GUCY1A2: variants seen among roughly 807,000 people sequenced by gnomAD.
The protein encoded by GUCY1A2 is guanylate cyclase soluble subunit alpha-2.
Under a neutral mutation model 63.5 loss-of-function variants are expected in GUCY1A2, and 27 were observed. That is an observed-to-expected ratio of 0.43 (90% CI 0.31 to 0.59). The LOEUF (loss-of-function observed/expected upper bound fraction) is 0.59. GUCY1A2 is among the 20% of genes least tolerant of loss of function. The probability of loss-of-function intolerance (pLI) is 0.11; values close to 1 mark genes in which losing one functional copy is unlikely to be tolerated. For synonymous variants in GUCY1A2, 364 were observed against 343.5 expected (o/e 1.06, Z -0.66); for missense variants, 768 against 913.3 (o/e 0.84, Z 2.05).
At chr11:106,797,618 C>T (rs1177487424) in intron 5 of GUCY1A2, among the ~76,000 whole-genome samples, 1 of 152,148 alleles carries the variant, frequency 6.6e-6, no homozygotes, top group Non-Finnish European at 1.5e-5. Flanking sequence ...GAAACTCACT[C>T]AAAACCACTC....
chr11:106,737,153 G>A (rs1863604734), intron 6 of GUCY1A2, among the ~76,000 whole-genome samples: 1 of 152,106 alleles, frequency 6.6e-6, no homozygotes, highest in Non-Finnish European at 1.5e-5. Context: ...TACAAAAAAA[G>A]AACAAAAATT....
At position 106,810,431 on chromosome 11, in the gene GUCY1A2, G is replaced by C; in HGVS notation, c.1254C>G (p.Ser418=). 6.2e-7 allele frequency: 1 copy of C among 1,609,904 alleles called. No individual in the cohort carries two copies. The highest frequency in any genetic ancestry group is 8.5e-7 in the Non-Finnish European group (1 of 1,177,898). ...CACATGGAGAGCCCAAAAATAAAAT[G>C]GAATTTGATTCTGGAACATGGATCA... ...GQMIHVPESN[S]ILFLGSPCVD... Residue 418 remains serine (S), a synonymous_variant, in exon 5 of 8, where the codon TCC becomes TCG. Transcript: ENST00000526355.
chr11:107,015,063 G>A (rs1180703326), intron 1 of GUCY1A2, among the ~76,000 whole-genome samples: 1 of 152,098 alleles, frequency 6.6e-6, no homozygotes, highest in African/African-American at 2.4e-5. Context: ...AATAAGGTAA[G>A]GACTGCCCAG....
intron 5 of GUCY1A2, among the ~76,000 whole-genome samples, chr11:106,780,862 AAC>A: frequency 6.6e-6 from 1 of 152,216 alleles, no homozygotes; most frequent in African/African-American, 2.4e-5. Context: ...GCAGAAACAC[AAC>A]AGTCTTAATG....
chr11:106,736,516 C>G (rs1436467692), intron 6 of GUCY1A2, among the ~76,000 whole-genome samples: 2 of 152,056 alleles, frequency 1.3e-5, no homozygotes, highest in Non-Finnish European at 2.9e-5. Flanking sequence ...CAGTACCATG[C>G]TGTTTTGGTT....
chr11:106,953,956 CA>C (rs1236371755), intron 3 of GUCY1A2, among the ~76,000 whole-genome samples: 1 of 151,954 alleles, frequency 6.6e-6, no homozygotes, highest in Non-Finnish European at 1.5e-5. Context: ...TTAATTTTTT[CA>C]AAAAATCAGC....
At chr11:107,012,454 G>A (rs996647118) in intron 1 of GUCY1A2, among the ~76,000 whole-genome samples, 2 of 152,066 alleles carry the variant, frequency 1.3e-5, no homozygotes, top group Admixed American at 6.6e-5. Context: ...GCTTTAAGAA[G>A]AATATTCCTC....
At chr11:107,004,280 C>T (rs77852087) in intron 1 of GUCY1A2, among the ~76,000 whole-genome samples, 3,019 of 152,166 alleles carry the variant, frequency 0.02, 101 homozygotes, top group African/African-American at 0.065. Flanking sequence ...ACCTTATTTC[C>T]GTCAGTAATT....
intron 6 of GUCY1A2, chr11:106,746,486 A>C: frequency 1.3e-6 from 1 of 791,474 alleles, no homozygotes; most frequent in Non-Finnish European, 2.1e-6. Flanking sequence ...CAAGGAAGTA[A>C]GTAATAACCA....
intron 4 of GUCY1A2, among the ~76,000 whole-genome samples, chr11:106,918,357 C>T (rs1860396046): frequency 6.9e-6 from 1 of 145,760 alleles, no homozygotes; most frequent in African/African-American, 2.4e-5. Context: ...TTTGCCTTCC[C>T]TTTAATTCTG....
At chr11:106,822,723 G>C (rs535736788) in intron 4 of GUCY1A2, among the ~76,000 whole-genome samples, 1 of 152,242 alleles carries the variant, frequency 6.6e-6, no homozygotes, top group Non-Finnish European at 1.5e-5. Flanking sequence ...AAAGTCTAGA[G>C]TTTAAGAAGA....
chr11:106,986,176 G>T, intron 1 of GUCY1A2, 45 bp from the exon 2 acceptor site: 1 of 944,354 alleles, frequency 1.1e-6, no homozygotes, highest in Non-Finnish European at 1.7e-6. Context: ...CAGCAAATCA[G>T]TACCATTCCC....
chr11:106,706,239 G>C (rs1862907672), intron 7 of GUCY1A2, among the ~76,000 whole-genome samples: 1 of 152,104 alleles, frequency 6.6e-6, no homozygotes, highest in East Asian at 1.9e-4. Flanking sequence ...ATGTAATTCA[G>C]GGATAAAATA....
chr11:107,017,476 T>C (rs1861839347), intron 1 of GUCY1A2, among the ~76,000 whole-genome samples: 1 of 151,990 alleles, frequency 6.6e-6, no homozygotes, highest in African/African-American at 2.4e-5. Context: ...AGTGGTGAAG[T>C]AGGGTTCAAG....
intron 4 of GUCY1A2, among the ~76,000 whole-genome samples, chr11:106,853,109 C>T (rs1859378164): frequency 6.6e-6 from 1 of 152,132 alleles, no homozygotes; most frequent in Admixed American, 6.6e-5. Flanking sequence ...AAAACATGCA[C>T]CAGAAAAGAT....
intron 7 of GUCY1A2, among the ~76,000 whole-genome samples, chr11:106,700,560 T>C (rs566919242): frequency 2.0e-5 from 3 of 152,280 alleles, no homozygotes; most frequent in South Asian, 4.1e-4. Context: ...ATTGGAAAAA[T>C]AGAAATGTAA....
At chr11:106,930,510 G>A (rs1364005080) in intron 4 of GUCY1A2, among the ~76,000 whole-genome samples, 1 of 152,110 alleles carries the variant, frequency 6.6e-6, no homozygotes, top group African/African-American at 2.4e-5. Flanking sequence ...CAAGGATGAT[G>A]CCCTATCAAA....
intron 7 of GUCY1A2, among the ~76,000 whole-genome samples, chr11:106,688,620 G>T (rs1055347209): frequency 1.3e-5 from 2 of 151,816 alleles, no homozygotes; most frequent in South Asian, 2.1e-4. Flanking sequence ...CAGAATAAAA[G>T]AATTTTTAAA....
At chr11:106,770,007 C>T (rs903100590) in intron 6 of GUCY1A2, among the ~76,000 whole-genome samples, 2 of 151,710 alleles carry the variant, frequency 1.3e-5, no homozygotes, top group East Asian at 3.9e-4. Context: ...GTTCAACCAA[C>T]CGTGGATTGA....
Sources: allele counts gnomAD v4.1 joint callset (sites outside exome capture counted in the v4.1 genomes callset), GRCh38; gene constraint gnomAD v4.1.1; transcripts MANE v1.5; gene names NCBI Gene and HGNC (gene_info 2026-07-23, HGNC 2026-07-21).